The following POF1B variants were observed in gnomAD, a reference collection of about 807,000 sequenced individuals.
POF1B encodes the protein POF1B actin binding protein.
Under a neutral mutation model 55.3 loss-of-function variants are expected in POF1B, and 53 were observed. That is an observed-to-expected ratio of 0.96 (90% CI 0.77 to 1.20). The LOEUF (loss-of-function observed/expected upper bound fraction) is 1.20. Among genes scored for constraint, POF1B ranks in the 50% most tolerant of loss-of-function variants. The probability of loss-of-function intolerance (pLI) is 0.00; values close to 1 mark genes in which losing one functional copy is unlikely to be tolerated. For missense variants in POF1B, 478 were observed against 420.5 expected (o/e 1.14, Z -1.20); for synonymous variants, 188 against 148.3 (o/e 1.27, Z -1.95).
At chrX:85,315,293 GT>G (rs1185653785) in intron 8 of POF1B, among the ~76,000 whole-genome samples, 1 of 111,009 alleles carries the variant, frequency 9.0e-6, no homozygotes. Context: ...CACATATAAG[GT>G]TTTGAAGCAT....
At chrX:85,366,032 A>G in intron 3 of POF1B, among the ~76,000 whole-genome samples, 1 of 112,182 alleles carries the variant, frequency 8.9e-6, no homozygotes, top group South Asian at 3.7e-4. Context: ...TCACACTTAT[A>G]GAAAAATGAG....
At chrX:85,288,579 A>C (rs1247740982) in intron 15 of POF1B, among the ~76,000 whole-genome samples, 1 of 111,197 alleles carries the variant, frequency 9.0e-6, no homozygotes, top group Non-Finnish European at 1.9e-5. Flanking sequence ...TCCCCACCAA[A>C]ATCTCAACTT....
intron 4 of POF1B, among the ~76,000 whole-genome samples, chrX:85,356,470 A>G (rs1017749076): frequency 9.0e-6 from 1 of 110,758 alleles, no homozygotes; most frequent in Non-Finnish European, 1.9e-5. Flanking sequence ...AAAAGAAAAA[A>G]AAAGAAAAAA....
chrX:85,351,330 T>C lies in POF1B; in HGVS notation c.540+20A>G. ...AAATTATACACTTAAAAACAAGTTT[T>C]AAAACAAAATATTACTTACCTGATC... On this transcript the variant is annotated intron_variant, in intron 5 of 16. Coordinates refer to ENST00000262753, the MANE Select transcript of POF1B (RefSeq NM_024921.4). 6 of 1,086,156 alleles carry C rather than the reference T, an allele frequency of 5.5e-6. No homozygotes were observed. The highest frequency in any genetic ancestry group is 7.5e-6 in the Non-Finnish European group (6 of 799,252). The allele number at this position is 1,086,156 out of a possible 1,213,427, so 89.5% of individuals were successfully genotyped here.
intron 7 of POF1B, among the ~76,000 whole-genome samples, chrX:85,327,063 C>T (rs1241813337): frequency 9.0e-6 from 1 of 110,881 alleles, no homozygotes; most frequent in Non-Finnish European, 1.9e-5. Context: ...CACAGAGGCT[C>T]CCACACCAAC....
chrX:85,322,019 C>T (rs1358424176), intron 7 of POF1B, among the ~76,000 whole-genome samples: 1 of 110,229 alleles, frequency 9.1e-6, no homozygotes, highest in Non-Finnish European at 1.9e-5. Context: ...CCATACTGCC[C>T]AAGGTAATTT....
chrX:85,323,476 A>G (rs2147919482), intron 7 of POF1B, among the ~76,000 whole-genome samples: 1 of 108,252 alleles, frequency 9.2e-6, no homozygotes, highest in Non-Finnish European at 1.9e-5. Context: ...GGATAGCATT[A>G]GGAGATATAC....
Position 85,367,913 on chromosome X carries a change from G to T in POF1B, c.283-147C>A, listed in dbSNP as rs757763227. 223 of 412,945 alleles carry T rather than the reference G, an allele frequency of 5.4e-4. 1 individual carries two copies. In the East Asian group the frequency reaches 8.4e-3, roughly 15 times the overall value. 34.0% of individuals were successfully genotyped at this position (412,945 alleles called of 1,213,427 possible). A position where few individuals can be genotyped will look rare whatever the true frequency, so the allele number is the denominator to read the frequency against. On this transcript the variant is annotated intron_variant, in intron 2 of 16. Transcript: ENST00000262753. Reference sequence around the variant, plus strand: ...CTTAGATAATATCCATCTTTCCAAAGAACTAAATTACTTTGTTGTCTTCTC... The same window carrying T: ...CTTAGATAATATCCATCTTTCCAAATAACTAAATTACTTTGTTGTCTTCTC...
intron 10 of POF1B, 46 bp downstream of exon 10, chrX:85,308,078 A>T (rs767565010): frequency 1.2e-6 from 1 of 827,957 alleles, no homozygotes; most frequent in East Asian, 3.3e-5. Flanking sequence ...TGTATTAGGA[A>T]GCTAGTAACT....
chrX:85,375,415 C>T (rs1215015398), intron 2 of POF1B, among the ~76,000 whole-genome samples: 1 of 111,220 alleles, frequency 9.0e-6, no homozygotes, highest in Non-Finnish European at 1.9e-5. Flanking sequence ...TGACTGAAAA[C>T]AGGCCCAGCA....
At chrX:85,326,417 T>TG (rs1381157634) in intron 7 of POF1B, among the ~76,000 whole-genome samples, 2 of 96,508 alleles carry the variant, frequency 2.1e-5, no homozygotes, top group Admixed American at 2.3e-4. Context: ...CAGCTACTGC[T>TG]GGGGGGTGGG....
rs1932597901 is a variant in POF1B, at chrX:85,307,350, A to G, written c.1051-74T>C. ...AGTCACATAATACAAAGACTTGCTT[A>G]CCTTGGAAGATTTAAATAAGCACTT... is the stretch of plus-strand genomic sequence containing the variant. On this transcript the variant is annotated intron_variant, in intron 10 of 16. Coordinates refer to ENST00000262753, the MANE Select transcript of POF1B (RefSeq NM_024921.4). The G allele has an allele frequency of 1.3e-5, 8 of 603,760 alleles. No individual in the cohort carries two copies. In the East Asian group the frequency reaches 2.6e-4, roughly 20 times the overall value. The allele number at this position is 603,760 out of a possible 1,213,427, so 49.8% of individuals were successfully genotyped here.
At chrX:85,303,934 A>G (rs922530640) in intron 14 of POF1B, among the ~76,000 whole-genome samples, 3 of 111,185 alleles carry the variant, frequency 2.7e-5, no homozygotes. Flanking sequence ...ATACAATATT[A>G]CCCATAATTT....
At chrX:85,357,468 CATCTT>C (rs1404849590) in intron 4 of POF1B, among the ~76,000 whole-genome samples, 1 of 111,010 alleles carries the variant, frequency 9.0e-6, no homozygotes, top group Non-Finnish European at 1.9e-5. Flanking sequence ...CAATTCATCT[CATCTT>C]CTCACCCATT....
At chrX:85,295,316 A>G (rs1303433802) in intron 15 of POF1B, among the ~76,000 whole-genome samples, 2 of 111,413 alleles carry the variant, frequency 1.8e-5, no homozygotes, top group African/African-American at 6.5e-5. Flanking sequence ...GCAATATTAG[A>G]TTGTTAACTT....
At chrX:85,301,274 G>A (rs1046538625) in intron 15 of POF1B, among the ~76,000 whole-genome samples, 2 of 111,587 alleles carry the variant, frequency 1.8e-5, no homozygotes, top group East Asian at 5.6e-4. Context: ...ATGTCAGGGG[G>A]ATCCTCAATT....
chrX:85,360,605 G>A (rs1366701522), intron 3 of POF1B, among the ~76,000 whole-genome samples: 1 of 98,070 alleles, frequency 1.0e-5, no homozygotes, highest in African/African-American at 4.1e-5. Context: ...ATTGGGCATA[G>A]TGATTTCATA....
chrX:85,359,206 G>C (rs1184059486), intron 4 of POF1B, among the ~76,000 whole-genome samples: 1 of 111,115 alleles, frequency 9.0e-6, no homozygotes, highest in Non-Finnish European at 1.9e-5. Flanking sequence ...AGTTGACAGA[G>C]CTTTTATGTG....
At chrX:85,328,168 TTTTATTTATTTA>T (rs200508166) in intron 7 of POF1B, among the ~76,000 whole-genome samples, 159 of 100,496 alleles carry the variant, frequency 1.6e-3, no homozygotes, top group South Asian at 2.8e-3. Flanking sequence ...ACAATATCTT[TTTTATTTATTTA>T]TTTATTTATT....
Sources: allele counts gnomAD v4.1 joint callset (sites outside exome capture counted in the v4.1 genomes callset), GRCh38; gene constraint gnomAD v4.1.1; transcripts MANE v1.5; gene names NCBI Gene and HGNC (gene_info 2026-07-23, HGNC 2026-07-21).